The following FTO variants were observed in gnomAD, a reference collection of about 807,000 sequenced individuals.
The protein encoded by FTO is FTO alpha-ketoglutarate dependent dioxygenase.
FTO carries 47 observed loss-of-function variants against 63.9 expected under a neutral mutation model. The observed-to-expected ratio is 0.74, with a 90% CI of 0.58 to 0.94. The LOEUF is 0.94. FTO is among the 40% of genes least tolerant of loss of function. The probability of loss-of-function intolerance (pLI) is 0.00; values close to 1 mark genes in which losing one functional copy is unlikely to be tolerated. For synonymous variants in FTO, 207 were observed against 224.4 expected (o/e 0.92, Z 0.69); for missense variants, 562 against 618.1 (o/e 0.91, Z 0.96).
At chr16:53,930,640 AC>A (rs2082259730) in intron 7 of FTO, among the ~76,000 whole-genome samples, 1 of 152,178 alleles carries the variant, frequency 6.6e-6, no homozygotes, top group South Asian at 2.1e-4. Context: ...AGAAATTACT[AC>A]GAAAAATGAG....
intron 8 of FTO, among the ~76,000 whole-genome samples, chr16:54,082,822 C>A (rs1453606569): frequency 6.6e-6 from 1 of 152,148 alleles, no homozygotes; most frequent in Non-Finnish European, 1.5e-5. Context: ...AGAAGAAACC[C>A]TTTAAAAACA....
At chr16:53,752,613 A>G (rs755474257) in intron 1 of FTO, among the ~76,000 whole-genome samples, 66 of 152,156 alleles carry the variant, frequency 4.3e-4, no homozygotes, top group South Asian at 6.2e-4. Context: ...CTTTTTGCAT[A>G]CTTCTTTTCA....
chr16:54,030,773 A>T (rs1158352357), intron 8 of FTO, among the ~76,000 whole-genome samples: 1 of 152,142 alleles, frequency 6.6e-6, no homozygotes, highest in Admixed American at 6.5e-5. Flanking sequence ...GAAAAGTAAA[A>T]CTCTAATAAA....
In FTO at chr16:53,787,133, A is replaced by G. The variant is rs1024991656; in HGVS notation, c.46-23007A>G. Among the ~76,000 whole-genome samples, 144 of 142,236 alleles carry G rather than the reference A, an allele frequency of 1.0e-3. 2 individuals are homozygous for G. The East Asian group carries it at 0.024, about 24-fold the overall frequency. The allele number at this position is 142,236 out of a possible 152,430, so 93.3% of individuals were successfully genotyped here. A position where few individuals can be genotyped will look rare whatever the true frequency, so the allele number is the denominator to read the frequency against. On this transcript the variant is annotated intron_variant, in intron 1 of 8. Coordinates refer to ENST00000471389, the MANE Select transcript of FTO (RefSeq NM_001080432.3). ...CTCAAAAAAAAAAAAAAAAAAAAAA[A>G]AAAAAAAAAGAAAAAGAAACACCAT...
chr16:53,809,963 T>C (rs1181564749), intron 1 of FTO, among the ~76,000 whole-genome samples, 177 bp from the exon 2 acceptor site: 1 of 151,882 alleles, frequency 6.6e-6, no homozygotes, highest in East Asian at 1.9e-4. Flanking sequence ...AAAAAAAAGA[T>C]GTATGTAATT....
chr16:54,066,943 G>A (rs1366828667), intron 8 of FTO, among the ~76,000 whole-genome samples: 1 of 152,202 alleles, frequency 6.6e-6, no homozygotes, highest in African/African-American at 2.4e-5. Flanking sequence ...TACATGCACA[G>A]TTAAATGGAA....
chr16:53,873,891 A>G (rs1468373096), intron 5 of FTO, 26 bp downstream of exon 5: 3 of 1,539,104 alleles, frequency 1.9e-6, no homozygotes, highest in Admixed American at 1.7e-5. Context: ...AATGTGATTC[A>G]CACCTAATTG....
chr16:54,019,478 C>T (rs1475196448), intron 8 of FTO, among the ~76,000 whole-genome samples: 1 of 152,116 alleles, frequency 6.6e-6, no homozygotes, highest in African/African-American at 2.4e-5. Context: ...TGGGCATATG[C>T]AAAAGTTGTT....
At chr16:54,028,558 G>A (rs1428256569) in intron 8 of FTO, among the ~76,000 whole-genome samples, 3 of 152,242 alleles carry the variant, frequency 2.0e-5, no homozygotes, top group East Asian at 1.9e-4. Context: ...GTTGTTAAAC[G>A]ATACTACCGA....
rs997149196 is a variant in FTO, at chr16:53,990,638, A to T, written c.1364+56529A>T. Among the ~76,000 whole-genome samples, 8 of 119,938 alleles carry T rather than the reference A, an allele frequency of 6.7e-5. No individual in the cohort carries two copies. The South Asian group carries it at 2.4e-3, about 36-fold the overall frequency. 78.7% of individuals were successfully genotyped at this position (119,938 alleles called of 152,430 possible). The stretch of plus-strand genomic sequence containing the variant: ...ACATGCTTTTACATGCTTTGCATAC[A>T]TTTCTTTTTCCTTTTCTTTTTATTT... On this transcript the variant is annotated intron_variant, in intron 8 of 8. Coordinates refer to ENST00000471389, the MANE Select transcript of FTO (RefSeq NM_001080432.3).
At chr16:53,773,991 T>G (rs2077403452) in intron 1 of FTO, among the ~76,000 whole-genome samples, 1 of 152,180 alleles carries the variant, frequency 6.6e-6, no homozygotes, top group Admixed American at 6.6e-5. Context: ...GAATTTTAAT[T>G]TTTTCCATGG....
intron 1 of FTO, among the ~76,000 whole-genome samples, chr16:53,707,381 G>A (rs904059326): frequency 2.0e-5 from 3 of 152,236 alleles, no homozygotes; most frequent in African/African-American, 7.2e-5. Flanking sequence ...ATTAGGACCC[G>A]TCCTAAATCC....
chr16:54,070,405 T>G (rs748481389), intron 8 of FTO: 3 of 152,180 alleles, frequency 2.0e-5, no homozygotes, highest in Non-Finnish European at 4.4e-5. Flanking sequence ...GAGAAAACCT[T>G]AGAGGTCTTT....
At chr16:53,888,758 A>G in intron 6 of FTO, 74 bp from the exon 7 acceptor site, 1 of 1,523,960 alleles carries the variant, frequency 6.6e-7, no homozygotes, top group Admixed American at 1.7e-5. Flanking sequence ...AGGAGAATTA[A>G]GAGACGAAGT....
intron 3 of FTO, among the ~76,000 whole-genome samples, chr16:53,839,740 A>AT (rs11395267): frequency 0.32 from 47,559 of 149,352 alleles, 9,592 homozygotes; most frequent in East Asian, 0.82. Flanking sequence ...TTTGAAAATT[A>AT]TTTTTTTCAA....
chr16:53,913,072 T>C (rs2151944708), intron 7 of FTO, among the ~76,000 whole-genome samples: 1 of 152,340 alleles, frequency 6.6e-6, no homozygotes, highest in Admixed American at 6.5e-5. Context: ...TGTTTCTTTC[T>C]TCCCCCTTCT....
chr16:54,072,725 T>G (rs1436018843), intron 8 of FTO, among the ~76,000 whole-genome samples: 1 of 152,148 alleles, frequency 6.6e-6, no homozygotes, highest in African/African-American at 2.4e-5. Flanking sequence ...CGCCCCATCC[T>G]CACACTGTCC....
At chr16:53,744,179 T>C (rs112258855) in intron 1 of FTO, among the ~76,000 whole-genome samples, 25 of 152,128 alleles carry the variant, frequency 1.6e-4, no homozygotes, top group African/African-American at 6.0e-4. Context: ...TCATAGAAAC[T>C]GCAGGGCATT....
chr16:53,803,818 T>C (rs1332803886), intron 1 of FTO, among the ~76,000 whole-genome samples: 1 of 152,236 alleles, frequency 6.6e-6, no homozygotes, highest in Non-Finnish European at 1.5e-5. Flanking sequence ...ACATAGTTAA[T>C]TGACACATTT....
Sources: allele counts gnomAD v4.1 joint callset (sites outside exome capture counted in the v4.1 genomes callset), GRCh38; gene constraint gnomAD v4.1.1; transcripts MANE v1.5; gene names NCBI Gene and HGNC (gene_info 2026-07-23, HGNC 2026-07-21).